FOXN3: variants seen among roughly 807,000 people sequenced by gnomAD.
FOXN3 encodes forkhead box protein N3.
A neutral mutation model predicts 38.4 loss-of-function variants in FOXN3; 7 were observed. That is an observed-to-expected ratio of 0.18 (90% CI 0.10 to 0.34). FOXN3 has a LOEUF of 0.34. Among genes scored for constraint, FOXN3 ranks in the 10% least tolerant of loss-of-function variants. The pLI, the probability that FOXN3 is intolerant of heterozygous loss-of-function variation, is 1.00. For missense variants in FOXN3, 456 were observed against 613.4 expected (o/e 0.74, Z 2.71); for synonymous variants, 230 against 242.2 (o/e 0.95, Z 0.47).
intron 2 of FOXN3, among the ~76,000 whole-genome samples, chr14:89,379,044 G>A (rs991247782): frequency 3.9e-5 from 6 of 152,200 alleles, no homozygotes; most frequent in African/African-American, 4.8e-5. Flanking sequence ...TATGAGAATA[G>A]AGGGTCAGGG....
chr14:89,485,393 T>G (rs958462669), intron 1 of FOXN3, among the ~76,000 whole-genome samples: 2 of 152,092 alleles, frequency 1.3e-5, no homozygotes, highest in Admixed American at 6.5e-5. Flanking sequence ...TGCGTGTTCT[T>G]AACTTATGCT....
At chr14:89,385,842 C>T (rs1394378512) in intron 2 of FOXN3, among the ~76,000 whole-genome samples, 1 of 152,178 alleles carries the variant, frequency 6.6e-6, no homozygotes, top group African/African-American at 2.4e-5. Flanking sequence ...TCTCTCAGGC[C>T]TCTTACTGTG....
intron 4 of FOXN3, among the ~76,000 whole-genome samples, chr14:89,236,253 T>G (rs957149153): frequency 1.3e-5 from 2 of 152,154 alleles, no homozygotes; most frequent in Admixed American, 1.3e-4. Flanking sequence ...CGGTGGCTCA[T>G]GCCTGTAATC....
At chr14:89,442,252 C>G (rs531386076) in intron 1 of FOXN3, among the ~76,000 whole-genome samples, 1 of 152,228 alleles carries the variant, frequency 6.6e-6, no homozygotes, top group South Asian at 2.1e-4. Flanking sequence ...TCCAATGACA[C>G]TCAACATTCA....
At chr14:89,170,607 AC>A (rs1343393787) in intron 5 of FOXN3, among the ~76,000 whole-genome samples, 1 of 152,122 alleles carries the variant, frequency 6.6e-6, no homozygotes, top group Non-Finnish European at 1.5e-5. Flanking sequence ...TATATACTAG[AC>A]CACACAGCAA....
At chr14:89,232,831 T>C (rs143785976) in intron 4 of FOXN3, among the ~76,000 whole-genome samples, 1 of 152,326 alleles carries the variant, frequency 6.6e-6, no homozygotes, top group Non-Finnish European at 1.5e-5. Context: ...GATAATTTCA[T>C]AATGCTGCTA....
At chr14:89,351,490 T>A (rs1477492328) in intron 2 of FOXN3, among the ~76,000 whole-genome samples, 3 of 152,224 alleles carry the variant, frequency 2.0e-5, no homozygotes, top group Non-Finnish European at 4.4e-5. Flanking sequence ...AGTCAAACTT[T>A]AAAATGCAAA....
chr14:89,609,219 C>T (rs1180805580), intron 1 of FOXN3, among the ~76,000 whole-genome samples: 5 of 152,184 alleles, frequency 3.3e-5, no homozygotes, highest in Admixed American at 2.6e-4. Flanking sequence ...GATTCTTTTT[C>T]GAGACAGGGT....
chr14:89,429,710 T>C (rs564779714), intron 1 of FOXN3, among the ~76,000 whole-genome samples: 2 of 152,270 alleles, frequency 1.3e-5, no homozygotes, highest in African/African-American at 4.8e-5. Flanking sequence ...ACTGCCAAAC[T>C]GTCATTTTGC....
chr14:89,164,067 G>A lies in FOXN3; in HGVS notation c.852-1098C>T, dbSNP rs181895275. ...TACACCTGCTCCCCGTGGGTGTGGG[G>A]CTGAGGACACGAATTAATGCCTGCA... is the stretch of plus-strand genomic sequence containing the variant. On this transcript the variant is annotated intron_variant, in intron 5 of 5. Transcript: ENST00000557258. This position sits in a 1 kb window ranked among gnomAD's most constrained non-coding sequence, Gnocchi z 4.3. Among the ~76,000 whole-genome samples the A allele has an allele frequency of 5.8e-3, 881 of 152,342 alleles. 4 individuals are homozygous for A. Among genetic ancestry groups the A allele is most frequent in the Non-Finnish European group, 8.2e-3 (557 of 68,040 alleles).
At chr14:89,276,251 G>T (rs1011882907) in intron 4 of FOXN3, among the ~76,000 whole-genome samples, 1 of 152,164 alleles carries the variant, frequency 6.6e-6, no homozygotes, top group African/African-American at 2.4e-5. Flanking sequence ...TTGCACACCA[G>T]CCTGGGCGAC....
intron 1 of FOXN3, among the ~76,000 whole-genome samples, chr14:89,453,863 G>A (rs12323780): frequency 0.44 from 66,457 of 151,948 alleles, 14,759 homozygotes; most frequent in African/African-American, 0.49. Flanking sequence ...TATGGACTGA[G>A]GTTTTGTGTC....
At chr14:89,489,378 T>C (rs559794254) in intron 1 of FOXN3, among the ~76,000 whole-genome samples, 10 of 152,358 alleles carry the variant, frequency 6.6e-5, no homozygotes, top group African/African-American at 1.9e-4. Flanking sequence ...TACTGGCCTT[T>C]GAAAATATAA....
intron 2 of FOXN3, among the ~76,000 whole-genome samples, chr14:89,360,743 C>A (rs141130848): frequency 4.1e-5 from 4 of 96,948 alleles, no homozygotes; most frequent in East Asian, 3.6e-4. Flanking sequence ...CCTCCAGCAC[C>A]ACCTCCACCA....
At chr14:89,256,864 T>C (rs796596905) in intron 4 of FOXN3, among the ~76,000 whole-genome samples, 19 of 152,312 alleles carry the variant, frequency 1.2e-4, no homozygotes, top group African/African-American at 4.6e-4. Flanking sequence ...GAGACCACGG[T>C]TTGATATTCT....
intron 3 of FOXN3, among the ~76,000 whole-genome samples, chr14:89,325,381 A>G (rs1176189602): frequency 7.0e-6 from 1 of 143,210 alleles, no homozygotes; most frequent in Non-Finnish European, 1.5e-5. Context: ...CGCCACCACC[A>G]CCATCACCAC....
chr14:89,241,535 C>T (rs1159552170), intron 4 of FOXN3, among the ~76,000 whole-genome samples: 1 of 152,198 alleles, frequency 6.6e-6, no homozygotes, highest in East Asian at 1.9e-4. Flanking sequence ...ATACACTTAC[C>T]TTCCAATCTC....
intron 4 of FOXN3, among the ~76,000 whole-genome samples, chr14:89,213,574 C>T (rs1884168159): frequency 2.0e-5 from 3 of 152,186 alleles, no homozygotes; most frequent in Non-Finnish European, 2.9e-5. Context: ...TTGTTTCTTG[C>T]ACCTTATCAT....
intron 4 of FOXN3, among the ~76,000 whole-genome samples, chr14:89,259,831 C>G (rs1023004828): frequency 6.6e-6 from 1 of 152,158 alleles, no homozygotes; most frequent in East Asian, 1.9e-4. Context: ...CATCTGGAGG[C>G]CTATCTGAAC....
Sources: gnomAD v4.1 joint callset for allele counts (sites outside exome capture counted in the v4.1 genomes callset) on GRCh38, gnomAD v4.1.1 for gene constraint, Gnocchi (gnomAD v3.1) non-coding constraint, MANE v1.5 for transcripts, NCBI Gene and HGNC (gene_info 2026-07-23, HGNC 2026-07-21) for gene names.